ERAP1: variants seen among roughly 807,000 people sequenced by gnomAD.
ERAP1 encodes endoplasmic reticulum aminopeptidase 1, also known as adipocyte-derived leucine aminopeptidase.
ERAP1 carries 86 observed loss-of-function variants against 103.7 expected under a neutral mutation model. The ratio of observed to expected loss-of-function variants is 0.83; its 90% confidence interval spans 0.70 to 0.99. The LOEUF is 0.99. Ranked by LOEUF, ERAP1 falls within the 50% of genes least tolerant of loss-of-function variation. ERAP1 has a pLI of 0.00. For synonymous variants in ERAP1, 398 were observed against 402.4 expected (o/e 0.99, Z 0.13); for missense variants, 1,009 against 1,128.4 (o/e 0.89, Z 1.52).
At chr5:96,781,956 G>A in intron 15 of ERAP1, 102 bp from the exon 16 acceptor site, 5 of 1,112,982 alleles carry the variant, frequency 4.5e-6, no homozygotes, top group Middle Eastern at 4.2e-4. Flanking sequence ...CCCATGATCA[G>A]AGAAGCATGC....
the ERAP1 span, among the ~76,000 whole-genome samples, chr5:96,933,211 C>CT: frequency 0.08 from 5,803 of 72,686 alleles, 770 homozygotes; most frequent in African/African-American, 0.21. Context: ...AAAACCACGT[C>CT]TTTTTTTTTT....
At chr5:96,767,559 T>A in intron 19 of ERAP1, 1 of 1,048,944 alleles carries the variant, frequency 9.5e-7, no homozygotes, top group Non-Finnish European at 1.5e-6. Context: ...TTTAGAAAAC[T>A]AAAACATATT....
At chr5:96,882,883 C>G in the ERAP1 span, among the ~76,000 whole-genome samples, 3 of 152,166 alleles carry the variant, frequency 2.0e-5, no homozygotes, top group African/African-American at 7.2e-5. Context: ...CTTATTTGAG[C>G]TATTCTATTC....
chr5:96,798,870 C>CTTTT (rs1561283595), intron 3 of ERAP1, among the ~76,000 whole-genome samples: 4 of 58,084 alleles, frequency 6.9e-5, no homozygotes, highest in Non-Finnish European at 1.8e-4. Context: ...ACAAAAATTT[C>CTTTT]CTTTTTTTTT....
the ERAP1 span, among the ~76,000 whole-genome samples, chr5:96,929,106 G>C: frequency 6.6e-6 from 1 of 152,196 alleles, no homozygotes; most frequent in East Asian, 1.9e-4. Context: ...CAGAAATCCT[G>C]GCACCATGCC....
In ERAP1 at chr5:96,800,759, TAAAAC is replaced by T. The variant is rs1438943729; in HGVS notation, c.663+98_663+102del. The stretch of plus-strand genomic sequence containing the variant: ...AAGTTAGTAACGATCTGCCAGGCAA[TAAAAC>T]AAAACAGGTGACCCAATGTTGACTG... On this transcript the variant is annotated intron_variant, in intron 3 of 18. Transcript: ENST00000443439. 11 of 1,271,658 alleles carry T rather than the reference TAAAAC, an allele frequency of 8.7e-6. No homozygotes were observed. In the African/African-American group the frequency reaches 1.3e-4, roughly 15 times the overall value. The allele number at this position is 1,271,658 out of a possible 1,614,324, so 78.8% of individuals were successfully genotyped here. A position where few individuals can be genotyped will look rare whatever the true frequency, so the allele number is the denominator to read the frequency against.
the ERAP1 span, chr5:96,912,817 C>T: frequency 6.4e-7 from 1 of 1,574,398 alleles, no homozygotes. Flanking sequence ...AATAATTTAA[C>T]TAAATTGTTA....
chr5:96,927,577 C>A, the ERAP1 span, among the ~76,000 whole-genome samples: 1 of 151,998 alleles, frequency 6.6e-6, no homozygotes, highest in Non-Finnish European at 1.5e-5. Flanking sequence ...AGCTCCGCCT[C>A]CCGGGTTCAC....
At chr5:96,900,080 T>C in the ERAP1 span, 1 of 1,612,366 alleles carries the variant, frequency 6.2e-7, no homozygotes, top group Non-Finnish European at 8.5e-7. Flanking sequence ...AGCCAACTAA[T>C]GATGCCTACA....
chr5:96,784,210 T>A (rs2150920256), intron 13 of ERAP1, 130 bp from the exon 14 acceptor site: 1 of 991,596 alleles, frequency 1.0e-6, no homozygotes, highest in Non-Finnish European at 1.5e-6. Flanking sequence ...AATAGATAAC[T>A]ACGGCCGGGC....
chr5:96,849,226 C>T, the ERAP1 span, among the ~76,000 whole-genome samples: 1 of 152,164 alleles, frequency 6.6e-6, no homozygotes, highest in Non-Finnish European at 1.5e-5. Context: ...AGAATGCCTA[C>T]TTTCACCACT....
the ERAP1 span, chr5:96,935,838 G>T: frequency 2.8e-6 from 1 of 361,034 alleles, no homozygotes; most frequent in Non-Finnish European, 5.1e-6. Context: ...GCCGGGGAGA[G>T]CGCCGCAGCC....
chr5:96,913,703 C>T, the ERAP1 span, among the ~76,000 whole-genome samples: 77 of 152,338 alleles, frequency 5.1e-4, no homozygotes, highest in Middle Eastern at 0.01. Context: ...CCACTGGCAT[C>T]AAGTCCGAGT....
chr5:96,892,540 C>A, the ERAP1 span: 63 of 1,493,232 alleles, frequency 4.2e-5, no homozygotes, highest in African/African-American at 7.8e-4. Flanking sequence ...CAAAATAAAT[C>A]ATCTCATTTA....
the ERAP1 span, among the ~76,000 whole-genome samples, chr5:96,875,254 G>T: frequency 2.0e-5 from 3 of 152,134 alleles, no homozygotes; most frequent in Non-Finnish European, 2.9e-5. Context: ...ATTCAAAAAG[G>T]CCAGTTGCGG....
At chr5:96,909,122 G>C in the ERAP1 span, 12 of 1,613,486 alleles carry the variant, frequency 7.4e-6, no homozygotes, top group Non-Finnish European at 9.3e-6. Context: ...CTCAAGGTTT[G>C]TGTTGCTTTT....
At chr5:96,935,582 C>T in the ERAP1 span, 1 of 153,086 alleles carries the variant, frequency 6.5e-6, no homozygotes, top group African/African-American at 2.4e-5. Context: ...AGCGAGGCCT[C>T]GTCTAACCAA....
chr5:96,837,163 A>G, the ERAP1 span, among the ~76,000 whole-genome samples: 1 of 152,194 alleles, frequency 6.6e-6, no homozygotes, highest in Non-Finnish European at 1.5e-5. Flanking sequence ...GTCACATTCC[A>G]CTGGACACAC....
the ERAP1 span, among the ~76,000 whole-genome samples, chr5:96,856,318 C>CAAAAA: frequency 8.2e-5 from 1 of 12,162 alleles, no homozygotes; most frequent in Non-Finnish European, 1.6e-4. Context: ...GACTCCGTCT[C>CAAAAA]AAAAAAAAAA....
Sources: gnomAD v4.1 joint callset for allele counts (sites outside exome capture counted in the v4.1 genomes callset) on GRCh38, gnomAD v4.1.1 for gene constraint, MANE v1.5 for transcripts, NCBI Gene and HGNC (gene_info 2026-07-23, HGNC 2026-07-21) for gene names.